The following ATG7 variants were observed in gnomAD, a reference collection of about 807,000 sequenced individuals.
ATG7 encodes the protein ubiquitin-like modifier-activating enzyme ATG7.
In ATG7, 70 loss-of-function variants were observed where a neutral mutation model predicts 82.4. The observed-to-expected ratio is 0.85, with a 90% CI of 0.70 to 1.04. The LOEUF is 1.04. ATG7 is among the 50% of genes least tolerant of loss of function. The pLI, the probability that ATG7 is intolerant of heterozygous loss-of-function variation, is 0.00. For missense variants in ATG7, 792 were observed against 864.3 expected, an observed-to-expected ratio of 0.92 and a Z score of 1.05; for synonymous variants, 287 against 313.0, an observed-to-expected ratio of 0.92 and a Z score of 0.88.
At chr3:11,456,902 C>T (rs1438489941) in intron 20 of ATG7, among the ~76,000 whole-genome samples, 1 of 152,190 alleles carries the variant, frequency 6.6e-6, no homozygotes, top group Non-Finnish European at 1.5e-5. Context: ...AGTTGGTATA[C>T]AGCACCTCTC....
intron 20 of ATG7, among the ~76,000 whole-genome samples, chr3:11,477,472 C>T (rs968900224): frequency 2.0e-5 from 3 of 152,140 alleles, no homozygotes. Context: ...TAAATGTCAG[C>T]ACTTATTTCT....
intron 19 of ATG7, among the ~76,000 whole-genome samples, chr3:11,382,306 C>T (rs1353061147): frequency 2.0e-5 from 3 of 152,068 alleles, no homozygotes; most frequent in South Asian, 2.1e-4. Flanking sequence ...AGTGCGAGCA[C>T]GCACGCACGC....
chr3:11,310,503 C>T (rs1368991930), intron 7 of ATG7, among the ~76,000 whole-genome samples: 6 of 152,300 alleles, frequency 3.9e-5, no homozygotes, highest in Non-Finnish European at 8.8e-5. Flanking sequence ...CTACAAGGAA[C>T]ACATTTTCTA....
At chr3:11,554,768 G>A in intron 20 of ATG7, 43 bp from the exon 21 acceptor site, 2 of 1,608,866 alleles carry the variant, frequency 1.2e-6, no homozygotes, top group Admixed American at 1.7e-5. Flanking sequence ...CCCCCACCGG[G>A]CAGTGGGACA....
chr3:11,277,896 C>CG (rs1486174192), intron 1 of ATG7, among the ~76,000 whole-genome samples: 2 of 128,110 alleles, frequency 1.6e-5, no homozygotes, highest in Non-Finnish European at 3.3e-5. Context: ...TATAGACCCC[C>CG]CCCCCCCCAC....
chr3:11,513,654 C>A (rs1409418473), intron 20 of ATG7, among the ~76,000 whole-genome samples: 5 of 152,246 alleles, frequency 3.3e-5, no homozygotes, highest in African/African-American at 1.2e-4. Context: ...GCTGAGGGAG[C>A]CAGCTCCAAC....
At chr3:11,403,254 CTT>C (rs2080010050) in intron 19 of ATG7, among the ~76,000 whole-genome samples, 2 of 151,862 alleles carry the variant, frequency 1.3e-5, no homozygotes, top group East Asian at 1.9e-4. Context: ...TGACAAGAGT[CTT>C]TTGGAGTGCG....
At chr3:11,444,698 C>T (rs897274394) in intron 20 of ATG7, among the ~76,000 whole-genome samples, 2 of 152,088 alleles carry the variant, frequency 1.3e-5, no homozygotes, top group Non-Finnish European at 2.9e-5. Context: ...ACAATTGCAA[C>T]AAAAGCAAAA....
intron 9 of ATG7, among the ~76,000 whole-genome samples, chr3:11,316,898 G>A (rs1231063092): frequency 6.6e-6 from 1 of 152,048 alleles, no homozygotes; most frequent in Admixed American, 6.6e-5. Flanking sequence ...TTTAACTGAC[G>A]GTCTGGTTAT....
chr3:11,553,049 C>G (rs1044938120), intron 20 of ATG7, among the ~76,000 whole-genome samples: 5 of 152,110 alleles, frequency 3.3e-5, no homozygotes, highest in African/African-American at 1.2e-4. Flanking sequence ...CCCAGGCTGG[C>G]AGCCCTCCAA....
intron 11 of ATG7, among the ~76,000 whole-genome samples, chr3:11,339,561 C>T (rs928026294): frequency 2.6e-5 from 4 of 152,006 alleles, no homozygotes; most frequent in Admixed American, 6.6e-5. Context: ...ATGTAGGGAG[C>T]GCAAGAGAGT....
intron 4 of ATG7, 196 bp from the exon 5 acceptor site, chr3:11,299,166 C>A: frequency 1.6e-6 from 1 of 607,630 alleles, no homozygotes; most frequent in Non-Finnish European, 2.9e-6. Flanking sequence ...TGGCGAATGT[C>A]TCATATTCAC....
intron 3 of ATG7, among the ~76,000 whole-genome samples, chr3:11,295,680 T>G (rs886270783): frequency 4.6e-5 from 7 of 152,224 alleles, no homozygotes; most frequent in Non-Finnish European, 7.3e-5. Flanking sequence ...CTTCTCAAAG[T>G]TTTTTTACTG....
chr3:11,480,588 C>A (rs528221699), intron 20 of ATG7, among the ~76,000 whole-genome samples: 4 of 152,002 alleles, frequency 2.6e-5, no homozygotes, highest in African/African-American at 9.6e-5. Context: ...GACAAAAAAA[C>A]CTTACAATCT....
chr3:11,507,274 T>G (rs568233920), intron 20 of ATG7, among the ~76,000 whole-genome samples: 26 of 152,202 alleles, frequency 1.7e-4, no homozygotes, highest in Admixed American at 1.4e-3. Flanking sequence ...AGAGTGAGAC[T>G]CCATCTCAAA....
intron 3 of ATG7, among the ~76,000 whole-genome samples, chr3:11,284,118 C>G (rs555865914): frequency 2.6e-5 from 4 of 152,286 alleles, no homozygotes; most frequent in African/African-American, 7.2e-5. Flanking sequence ...TTCTCTCCCT[C>G]TGTTTTTTAT....
At chr3:11,523,073 TA>T (rs1163417269) in intron 20 of ATG7, among the ~76,000 whole-genome samples, 2 of 152,228 alleles carry the variant, frequency 1.3e-5, no homozygotes, top group Non-Finnish European at 2.9e-5. Context: ...GTTGCTGACA[TA>T]ATTTTGTGTC....
intron 20 of ATG7, among the ~76,000 whole-genome samples, chr3:11,471,826 G>A (rs569610637): frequency 7.6e-6 from 1 of 131,936 alleles, no homozygotes; most frequent in South Asian, 2.5e-4. Flanking sequence ...TGCAACCTCT[G>A]CCTCAGGTTC....
At chr3:11,455,435 C>T (rs1360227383) in intron 20 of ATG7, among the ~76,000 whole-genome samples, 1 of 152,176 alleles carries the variant, frequency 6.6e-6, no homozygotes, top group African/African-American at 2.4e-5. Flanking sequence ...TGCTGGTCCA[C>T]ATTTGGTGGT....
Sources: gnomAD v4.1 joint callset for allele counts (sites outside exome capture counted in the v4.1 genomes callset) on GRCh38, gnomAD v4.1.1 for gene constraint, MANE v1.5 for transcripts, NCBI Gene and HGNC (gene_info 2026-07-23, HGNC 2026-07-21) for gene names.